ENOSF1: variants seen among roughly 807,000 people sequenced by gnomAD.
ENOSF1 encodes mitochondrial enolase superfamily member 1.
ENOSF1 carries 73 observed loss-of-function variants against 68.2 expected under a neutral mutation model. The ratio of observed to expected loss-of-function variants is 1.07; its 90% CI spans 0.89 to 1.30. ENOSF1 has a LOEUF of 1.30. ENOSF1 is among the 50% of genes most tolerant of loss of function. ENOSF1 has a pLI of 0.00. For synonymous variants in ENOSF1, 223 were observed against 210.4 expected (o/e 1.06, Z -0.52); for missense variants, 589 against 554.5 (o/e 1.06, Z -0.62).
At chr18:706,037 G>C (rs2078894827) in intron 2 of ENOSF1, among the ~76,000 whole-genome samples, 1 of 151,966 alleles carries the variant, frequency 6.6e-6, no homozygotes, top group South Asian at 2.1e-4. Flanking sequence ...ATATTGAAAA[G>C]CGAGTAGACG....
In ENOSF1 at chr18:673,126, ATTAATTT is replaced by A; in HGVS notation, c.*1172_*1178del. 2 of 1,065,382 alleles carry A rather than the reference ATTAATTT, an allele frequency of 1.9e-6. No individual in the cohort carries two copies. The highest frequency in any genetic ancestry group is 5.5e-5 in the South Asian group (2 of 36,546). The allele number at this position is 1,065,382 out of a possible 1,614,324, so 66.0% of individuals were successfully genotyped here. A position where few individuals can be genotyped will look rare whatever the true frequency, so the allele number is the denominator to read the frequency against. On this transcript the variant is annotated 3_prime_UTR_variant, in exon 16 of 16. Coordinates refer to ENST00000647584, the MANE Select transcript of ENOSF1 (RefSeq NM_017512.7). Reference sequence around the variant, plus strand: ...AAAATCTGTCCGTGACCTATCAGTTATTAATTTTTAAGGATGTTGCCACTGGCAAATG... The same window carrying A: ...AAAATCTGTCCGTGACCTATCAGTTATTAAGGATGTTGCCACTGGCAAATG...
At position 688,566 on chromosome 18, in the gene ENOSF1, A is replaced by T. The variant is rs1158020847; in HGVS notation, c.653+8T>A. 34 of 1,614,010 alleles carry T rather than the reference A, an allele frequency of 2.1e-5. No homozygotes were observed. The highest frequency in any genetic ancestry group is 2.7e-5 in the Non-Finnish European group (32 of 1,179,986). On this transcript the variant is annotated splice_region_variant and intron_variant, in intron 9 of 15. Transcript: ENST00000647584. ...AACTGGGAAAGTCAGGTCCATCATC[A>T]CACTCACCTGGTCCAGCCATCCTTC...
intron 2 of ENOSF1, among the ~76,000 whole-genome samples, chr18:698,754 G>A (rs1293731225): frequency 6.6e-6 from 1 of 151,974 alleles, no homozygotes; most frequent in East Asian, 1.9e-4. Flanking sequence ...CTGAGTAGCT[G>A]AGACCACAGG....
chr18:678,373 T>C (rs1265786333), intron 12 of ENOSF1: 3 of 433,092 alleles, frequency 6.9e-6, no homozygotes, highest in Non-Finnish European at 1.2e-5. Flanking sequence ...CGCAGTCATG[T>C]TTATTCAATT....
At chr18:708,246 A>G (rs1449474678) in intron 1 of ENOSF1, among the ~76,000 whole-genome samples, 1 of 152,156 alleles carries the variant, frequency 6.6e-6, no homozygotes, top group Admixed American at 6.6e-5. Context: ...GGGAGCCCTG[A>G]GTCTGGTATC....
chr18:689,281 ATT>A (rs780458597), intron 8 of ENOSF1, among the ~76,000 whole-genome samples: 2 of 151,770 alleles, frequency 1.3e-5, no homozygotes, highest in African/African-American at 4.8e-5. Flanking sequence ...ATCCAAAATA[ATT>A]TTTTTGTTGT....
intron 2 of ENOSF1, among the ~76,000 whole-genome samples, chr18:702,781 A>G (rs2078501330): frequency 6.6e-6 from 1 of 152,206 alleles, no homozygotes; most frequent in African/African-American, 2.4e-5. Context: ...ACATAAAAAA[A>G]GGATAAAAAT....
chr18:688,563 A>G lies in ENOSF1; in HGVS notation c.653+11T>C. 1 of 1,614,024 alleles carries G rather than the reference A, an allele frequency of 6.2e-7. No homozygotes were observed. On this transcript the variant is annotated intron_variant, in intron 9 of 15. Coordinates refer to ENST00000647584, the MANE Select transcript of ENOSF1 (RefSeq NM_017512.7). ...GCCAACTGGGAAAGTCAGGTCCATC[A>G]TCACACTCACCTGGTCCAGCCATCC...
At chr18:686,251 G>A (rs2076602443) in intron 9 of ENOSF1, 2 of 474,560 alleles carry the variant, frequency 4.2e-6, no homozygotes, top group Non-Finnish European at 7.5e-6. Flanking sequence ...AGCTAGACAG[G>A]GAAGTCAGGT....
rs2075250609 is a variant in ENOSF1, at chr18:674,359, G to A, written c.1278C>T (p.His426=). Residue 426 remains histidine, a synonymous_variant, in exon 16 of 16, where the codon CAC becomes CAT. Coordinates refer to ENST00000647584, the MANE Select transcript of ENOSF1 (RefSeq NM_017512.7). ...TCCAAACTTCACCATCTGGATACTG[G>A]TGTTTCTTTACAGATTCCTCCTTCA... ...TEMKEESVKK[H]QYPDGEVWKK... 1 of 1,612,984 alleles carries A rather than the reference G, an allele frequency of 6.2e-7. No individual in the cohort carries two copies. The highest frequency in any genetic ancestry group is 2.2e-5 in the East Asian group (1 of 44,770).
At chr18:667,370 T>A (rs867955834), downstream of ENOSF1, among the ~76,000 whole-genome samples, 83 of 14,658 alleles carry the variant, frequency 5.7e-3, 5 homozygotes, top group East Asian at 0.031. Flanking sequence ...ATGGAGATGG[T>A]GATGGTGATG....
In ENOSF1 at chr18:697,945, C is replaced by T. The variant is rs187835475; in HGVS notation, c.194-590G>A. 1.6e-4 allele frequency among the ~76,000 whole-genome samples: 25 copies of T among 152,224 alleles called. No homozygotes were observed. The East Asian group carries it at 4.1e-3, about 25-fold the overall frequency. On this transcript the variant is annotated intron_variant, in intron 2 of 15. Coordinates refer to ENST00000647584, the MANE Select transcript of ENOSF1 (RefSeq NM_017512.7). ...AGAAGCTAGGATTACAGGCATGTGC[C>T]GCCACACCTGGTTAATTTTGGTATT...
chr18:707,866 A>C (rs1400088199), intron 1 of ENOSF1, among the ~76,000 whole-genome samples: 1 of 151,786 alleles, frequency 6.6e-6, no homozygotes, highest in African/African-American at 2.4e-5. Context: ...TATTATTATT[A>C]TTATTATTTT....
downstream of ENOSF1, among the ~76,000 whole-genome samples, chr18:667,992 ATTT>A (rs60409589): frequency 9.5e-5 from 10 of 105,356 alleles, no homozygotes; most frequent in Admixed American, 2.9e-4. Context: ...ATTCACAGGA[ATTT>A]TTTTTTTTTT....
intron 11 of ENOSF1, among the ~76,000 whole-genome samples, chr18:682,525 G>A (rs2076172960): frequency 6.6e-6 from 1 of 151,974 alleles, no homozygotes; most frequent in African/African-American, 2.4e-5. Flanking sequence ...TTGTTATGGG[G>A]CACATGACTG....
At chr18:697,700 G>A (rs1270186634) in intron 2 of ENOSF1, among the ~76,000 whole-genome samples, 2 of 152,158 alleles carry the variant, frequency 1.3e-5, no homozygotes, top group African/African-American at 4.8e-5. Context: ...GCAGTGAGCC[G>A]AGATTGCACC....
At chr18:692,859 C>G (rs2077341514) in intron 5 of ENOSF1, 1 of 1,086,946 alleles carries the variant, frequency 9.2e-7, no homozygotes, top group Non-Finnish European at 1.1e-6. Context: ...GATGTGACAG[C>G]CTCCTGTCTT....
At chr18:704,876 G>T (rs1177997520) in intron 2 of ENOSF1, among the ~76,000 whole-genome samples, 1 of 152,124 alleles carries the variant, frequency 6.6e-6, no homozygotes, top group Non-Finnish European at 1.5e-5. Flanking sequence ...AAAGTGCTGG[G>T]ATTACAGGCC....
At chr18:707,049 C>G (rs993076262) in intron 1 of ENOSF1, among the ~76,000 whole-genome samples, 3 of 152,018 alleles carry the variant, frequency 2.0e-5, no homozygotes, top group Non-Finnish European at 4.4e-5. Flanking sequence ...GAACTCCTGA[C>G]CTCAGGTGAT....
Sources: gnomAD v4.1 joint callset for allele counts (sites outside exome capture counted in the v4.1 genomes callset) on GRCh38, gnomAD v4.1.1 for gene constraint, MANE v1.5 for transcripts, NCBI Gene and HGNC (gene_info 2026-07-23, HGNC 2026-07-21) for gene names.